The following CORIN variants were observed in gnomAD, a reference collection of about 807,000 sequenced individuals.
The protein encoded by CORIN is atrial natriuretic peptide-converting enzyme.
CORIN carries 117 observed loss-of-function variants against 125.3 expected under a neutral mutation model. The ratio of observed to expected loss-of-function variants is 0.93; its 90% CI spans 0.80 to 1.09. The LOEUF is 1.09. Among genes scored for constraint, CORIN ranks in the 50% least tolerant of loss-of-function variants. The pLI is 0.00. For synonymous variants in CORIN, 450 were observed against 466.4 expected, an observed-to-expected ratio of 0.96 and a Z score of 0.45; for missense variants, 1,253 against 1,306.7, an observed-to-expected ratio of 0.96 and a Z score of 0.63.
intron 2 of CORIN, among the ~76,000 whole-genome samples, chr4:47,792,195 G>A (rs1459024710): frequency 6.6e-6 from 1 of 152,102 alleles, no homozygotes; most frequent in East Asian, 1.9e-4. Flanking sequence ...CATATGAAAA[G>A]GCCCAGCAGC....
chr4:47,643,333 T>TGTTA, intron 14 of CORIN, 77 bp from the exon 15 acceptor site: 2 of 1,345,202 alleles, frequency 1.5e-6, no homozygotes, highest in Non-Finnish European at 2.0e-6. Context: ...CATATCTTCA[T>TGTTA]GTGCCAGCAG....
rs1442160822 is a variant in CORIN at position 47,678,292 on chromosome 4, A to C, written c.1133-238T>G. 4.6e-5 allele frequency among the ~76,000 whole-genome samples: 7 copies of C among 152,224 alleles called. No individual in the cohort carries two copies. The East Asian group carries it at 1.3e-3, about 29-fold the overall frequency. On this transcript the variant is annotated intron_variant, in intron 8 of 21. Transcript: ENST00000273857. ...TGTTTTTAGTGATGGAAGTATCATG[A>C]TCCTACTTACTAATAAAAATGACAA...
At chr4:47,706,525 G>T in intron 5 of CORIN, 1 of 1,611,402 alleles carries the variant, frequency 6.2e-7, no homozygotes, top group Non-Finnish European at 8.5e-7. Flanking sequence ...GCGCCAACTG[G>T]GCTACAAGGC....
intron 19 of CORIN, among the ~76,000 whole-genome samples, chr4:47,608,625 G>T (rs1308665244): frequency 2.0e-5 from 3 of 152,162 alleles, no homozygotes; most frequent in African/African-American, 7.2e-5. Context: ...CACATTTAGA[G>T]TCTAATTTGC....
chr4:47,734,298 T>A (rs113026748), intron 5 of CORIN, among the ~76,000 whole-genome samples: 146 of 152,348 alleles, frequency 9.6e-4, no homozygotes, highest in African/African-American at 3.4e-3. Flanking sequence ...TTTCACAAGT[T>A]GGAAGAAGAC....
intron 19 of CORIN, 129 bp downstream of exon 19, chr4:47,623,442 G>T: frequency 1.1e-6 from 1 of 925,482 alleles, no homozygotes; most frequent in Non-Finnish European, 1.6e-6. Context: ...GAAGATAAAG[G>T]CCTGGGAAGT....
intron 7 of CORIN, chr4:47,682,762 T>A (rs1725347128): frequency 6.6e-6 from 1 of 152,120 alleles, no homozygotes; most frequent in African/African-American, 2.4e-5. Context: ...AAAATAAAAA[T>A]AAACTATTAT....
chr4:47,821,443 C>T (rs1732507890), intron 1 of CORIN, among the ~76,000 whole-genome samples: 1 of 150,840 alleles, frequency 6.6e-6, no homozygotes, highest in African/African-American at 2.4e-5. Context: ...CGCTTCTTTC[C>T]ACTGATGGTT....
intron 4 of CORIN, among the ~76,000 whole-genome samples, chr4:47,759,561 T>C (rs139211581): frequency 6.6e-6 from 1 of 152,076 alleles, no homozygotes; most frequent in East Asian, 1.9e-4. Context: ...AAAACCTGAA[T>C]AGACATTTCT....
chr4:47,778,541 GAAGAA>G (rs1464038907), intron 3 of CORIN, among the ~76,000 whole-genome samples: 1 of 152,198 alleles, frequency 6.6e-6, no homozygotes, highest in Non-Finnish European at 1.5e-5. Context: ...AGGGAAAAGA[GAAGAA>G]GAGAATCCAT....
chr4:47,637,315 G>T (rs1406904575), intron 16 of CORIN, among the ~76,000 whole-genome samples: 2 of 152,300 alleles, frequency 1.3e-5, no homozygotes, highest in South Asian at 4.1e-4. Flanking sequence ...CAATAGAAAA[G>T]AAAATACCAT....
chr4:47,828,635 T>C (rs755316548), intron 1 of CORIN, among the ~76,000 whole-genome samples: 9 of 152,142 alleles, frequency 5.9e-5, no homozygotes, highest in Non-Finnish European at 8.8e-5. Context: ...TTAATTACAT[T>C]TGCAAAGTCC....
intron 1 of CORIN, among the ~76,000 whole-genome samples, chr4:47,811,953 T>C (rs1732081872): frequency 1.3e-5 from 2 of 152,232 alleles, no homozygotes; most frequent in African/African-American, 4.8e-5. Context: ...GCCCCTGATG[T>C]AGTGTATCAG....
At chr4:47,691,512 C>T (rs970954686) in intron 6 of CORIN, among the ~76,000 whole-genome samples, 81 of 152,004 alleles carry the variant, frequency 5.3e-4, no homozygotes, top group African/African-American at 1.8e-3. Flanking sequence ...CTGAAATATG[C>T]GTGGCATAAT....
intron 16 of CORIN, among the ~76,000 whole-genome samples, chr4:47,639,143 C>T (rs374704635): frequency 2.9e-5 from 3 of 104,862 alleles, no homozygotes; most frequent in East Asian, 4.5e-4. Flanking sequence ...ATGCTGGTTC[C>T]GGACCCTACA....
At chr4:47,716,525 G>T (rs1379596274) in intron 5 of CORIN, among the ~76,000 whole-genome samples, 3 of 152,064 alleles carry the variant, frequency 2.0e-5, no homozygotes, top group African/African-American at 7.2e-5. Context: ...TAATATCACA[G>T]TATCATTGTC....
intron 20 of CORIN, among the ~76,000 whole-genome samples, chr4:47,602,323 C>A (rs1721480272): frequency 6.6e-6 from 1 of 152,088 alleles, no homozygotes; most frequent in Non-Finnish European, 1.5e-5. Flanking sequence ...GTAGGTCAAA[C>A]TGAATGAGAG....
At chr4:47,651,989 A>G (rs1723752017) in intron 13 of CORIN, among the ~76,000 whole-genome samples, 1 of 152,218 alleles carries the variant, frequency 6.6e-6, no homozygotes, top group Admixed American at 6.5e-5. Context: ...CCAACAAAGT[A>G]TCATGCAACC....
intron 4 of CORIN, among the ~76,000 whole-genome samples, chr4:47,746,794 A>G (rs1291223139): frequency 4.6e-5 from 7 of 152,138 alleles, no homozygotes; most frequent in Non-Finnish European, 8.8e-5. Flanking sequence ...TTAGCCTCCC[A>G]AAGTGCAGGG....
Sources: gnomAD v4.1 joint callset for allele counts (sites outside exome capture counted in the v4.1 genomes callset) on GRCh38, gnomAD v4.1.1 for gene constraint, MANE v1.5 for transcripts, NCBI Gene and HGNC (gene_info 2026-07-23, HGNC 2026-07-21) for gene names.